Variants in CLUH observed in about 807,000 individuals in gnomAD.
The protein encoded by CLUH is CLUH binding protein of NUMT mRNA.
In CLUH, 77 loss-of-function variants were observed where a neutral mutation model predicts 139.3. That is an observed-to-expected ratio of 0.55 (90% CI 0.46 to 0.67). CLUH has a LOEUF of 0.67. Ranked by LOEUF, CLUH falls within the 30% of genes least tolerant of loss-of-function variation. The pLI, the probability that CLUH is intolerant of heterozygous loss-of-function variation, is 0.00. For synonymous variants in CLUH, 999 were observed against 801.6 expected (o/e 1.25, Z -4.16); for missense variants, 1,876 against 1,875.8 (o/e 1.00, Z 0.00).
At position 2,700,242 on chromosome 17, in the gene CLUH, G is replaced by A. The variant is rs543514149; in HGVS notation, c.1266+140C>T. 60 of 705,640 alleles carry A rather than the reference G, an allele frequency of 8.5e-5. No homozygotes were observed. In the East Asian group the frequency reaches 1.5e-3, roughly 18 times the overall value. 43.7% of individuals were successfully genotyped at this position (705,640 alleles called of 1,614,324 possible). A position where few individuals can be genotyped will look rare whatever the true frequency, so the allele number is the denominator to read the frequency against. ...AGGCGGAAGGCTAGCAGACCCTGCG[G>A]GAGACGCTGACTGGCCTTCGGGGAA... On this transcript the variant is annotated intron_variant, in intron 9 of 25. Coordinates refer to ENST00000651024, the MANE Select transcript of CLUH (RefSeq NM_001366661.1).
intron 4 of CLUH, 73 bp downstream of exon 4, chr17:2,701,841 G>A: frequency 6.3e-7 from 1 of 1,597,444 alleles, no homozygotes; most frequent in Non-Finnish European, 8.5e-7. Flanking sequence ...AGGCCCCTCG[G>A]CCCCTTCTCC....
At chr17:2,696,022 A>T in intron 13 of CLUH, 137 bp downstream of exon 13, 1 of 711,894 alleles carries the variant, frequency 1.4e-6, no homozygotes, top group East Asian at 2.7e-5. Flanking sequence ...CCCATCTGTC[A>T]AACGGGGATG....
In CLUH at chr17:2,697,910, G is replaced by C. The variant is rs1412278846; in HGVS notation, c.1947C>G (p.Ala649=). The C allele has an allele frequency of 2.0e-6, 3 of 1,514,134 alleles. No individual in the cohort carries two copies. The African/African-American group carries it at 4.1e-5, about 21-fold the overall frequency. 93.8% of individuals were successfully genotyped at this position (1,514,134 alleles called of 1,614,324 possible). The stretch of plus-strand genomic sequence containing the variant: ...CCGCCCCTCACCTGTGCTCCACGAA[G>C]GCGTCCACCAGCTCCTGGCGCAGGC... ...LCCLRQELVD[A]FVEHRYLLFM... The change falls in exon 10 of 26, where the codon GCC becomes GCG. Residue 649 remains alanine, a synonymous_variant. Coordinates refer to ENST00000651024, the MANE Select transcript of CLUH (RefSeq NM_001366661.1).
intron 11 of CLUH, 57 bp from the exon 12 acceptor site, chr17:2,696,595 C>T: frequency 6.5e-7 from 1 of 1,531,832 alleles, no homozygotes; most frequent in South Asian, 1.2e-5. Context: ...TGGAGCTGGG[C>T]TGCGCCAAGC....
chr17:2,700,692 G>T lies in CLUH; in HGVS notation c.1159C>A (p.His387Asn). ...AYTSRLGYEE[H>N]IPGQTRDWNE... ...GTTGCAGGCACCTGTCCAGGAATGT[G>T]CTCCTCATAGCCCAGCCTCGAGGTG... The change falls in exon 8 of 26, where the codon CAC becomes AAC. Residue 387 changes from histidine (H) to asparagine (N), a missense_variant. Physicochemically the swap from His to Asn is moderately conservative, Grantham distance 68 (BLOSUM62 1). Around this residue, in one of 3 missense-constraint regions of CLUH, gnomAD observed 1,454 missense variants for 1,384.4 expected, o/e 1.05. Coordinates refer to ENST00000651024, the MANE Select transcript of CLUH (RefSeq NM_001366661.1). 1.3e-6 allele frequency: 2 copies of T among 1,526,610 alleles called. No homozygotes were observed. The highest frequency in any genetic ancestry group is 2.3e-5 in the East Asian group (1 of 44,218). 94.6% of individuals were successfully genotyped at this position (1,526,610 alleles called of 1,614,324 possible).
chr17:2,711,704 G>T lies in CLUH; in HGVS notation c.-43C>A. 1.2e-6 allele frequency: 1 copy of T among 863,014 alleles called. No homozygotes were observed. The highest frequency in any genetic ancestry group is 1.4e-6 in the Non-Finnish European group (1 of 718,392). The allele number at this position is 863,014 out of a possible 1,614,324, so 53.5% of individuals were successfully genotyped here. On this transcript the variant is annotated 5_prime_UTR_variant, in exon 1 of 26. Coordinates refer to ENST00000651024, the MANE Select transcript of CLUH (RefSeq NM_001366661.1). ...TCCGCCTCGGCTGTCCGCGCCGCCCGCCGCGCCACTAACCCAAGTGCCCTG... is the reference window on the plus strand; with the variant it reads ...TCCGCCTCGGCTGTCCGCGCCGCCCTCCGCGCCACTAACCCAAGTGCCCTG...
rs911613841 is a variant in CLUH, at chr17:2,692,271, G to A, written c.3560+90C>T. ...TCGAGAGAAATTTTCTCGGGTGGAG[G>A]AAGACAGGAGCACTGGGTCTCTTCC... is the stretch of plus-strand genomic sequence containing the variant. On this transcript the variant is annotated intron_variant, in intron 22 of 25. Transcript: ENST00000651024. The A allele has an allele frequency of 9.9e-5, 145 of 1,460,826 alleles. 2 individuals carry two copies. In the South Asian group the frequency reaches 1.8e-3, roughly 18 times the overall value. The allele number at this position is 1,460,826 out of a possible 1,614,324, so 90.5% of individuals were successfully genotyped here.
chr17:2,708,660 C>A (rs1482674803), intron 1 of CLUH, among the ~76,000 whole-genome samples: 1 of 152,060 alleles, frequency 6.6e-6, no homozygotes, highest in African/African-American at 2.4e-5. Context: ...GACGCCCAAG[C>A]CCATGGCTTT....
intron 3 of CLUH, 54 bp from the exon 4 acceptor site, chr17:2,702,111 A>G (rs1325311411): frequency 6.9e-6 from 11 of 1,588,304 alleles, no homozygotes; most frequent in Non-Finnish European, 9.4e-6. Flanking sequence ...ACCCTGAACA[A>G]CCTGCCCAGC....
chr17:2,704,658 A>G lies in CLUH; in HGVS notation c.101-94T>C. 1 of 1,226,802 alleles carries G rather than the reference A, an allele frequency of 8.2e-7. No homozygotes were observed. The highest frequency in any genetic ancestry group is 1.5e-5 in the African/African-American group (1 of 66,094). The allele number at this position is 1,226,802 out of a possible 1,614,324, so 76.0% of individuals were successfully genotyped here. Reference sequence around the variant, plus strand: ...ACACGGGGACACGTGCCTTCTGGAAAGGCATCTGCATGCCCTCGAGAGTCC... The same window carrying G: ...ACACGGGGACACGTGCCTTCTGGAAGGGCATCTGCATGCCCTCGAGAGTCC... On this transcript the variant is annotated intron_variant, in intron 1 of 25. Transcript: ENST00000651024. The surrounding 1 kb of genome is among the most constrained non-coding windows in gnomAD (Gnocchi z 5.7).
In CLUH at chr17:2,701,345, G is replaced by A. The variant is rs1281817050; in HGVS notation, c.899+21C>T. On this transcript the variant is annotated intron_variant, in intron 6 of 25. Transcript: ENST00000651024. ...GACGGCTGGCACGGCAGGGGGGTGT[G>A]GTGGGCTGGCAGGGACTCACTGATT... is the stretch of plus-strand genomic sequence containing the variant. 1.9e-6 allele frequency: 3 copies of A among 1,605,422 alleles called. No individual in the cohort carries two copies. The East Asian group carries it at 6.7e-5, about 36-fold the overall frequency.
At chr17:2,699,876 C>G (rs9911389) in intron 9 of CLUH, among the ~76,000 whole-genome samples, 1 of 151,998 alleles carries the variant, frequency 6.6e-6, no homozygotes, top group Admixed American at 6.5e-5. Context: ...GTGATCCGCC[C>G]GCCTCGGCCT....
rs1307112800 is a variant in CLUH, at chr17:2,711,611, G to C, written c.51C>G (p.Ala17=). The C allele has an allele frequency of 1.0e-6, 1 of 983,996 alleles. No homozygotes were observed. Among genetic ancestry groups the C allele is most frequent in the Non-Finnish European group, 1.2e-6 (1 of 829,556 alleles). The allele number at this position is 983,996 out of a possible 1,614,324, so 61.0% of individuals were successfully genotyped here. A position where few individuals can be genotyped will look rare whatever the true frequency, so the allele number is the denominator to read the frequency against. Residue 17 remains alanine, a synonymous_variant, in exon 1 of 26, where the codon GCC becomes GCG. Transcript: ENST00000651024. ...ELPAAAPADS[A]REHGSQAGGK... is the part of the protein sequence containing the mutation. ...CCCCGGCCTGCGAGCCGTGTTCCCG[G>C]GCGCTGTCGGCCGGGGCGGCCGCCG...
Position 2,694,243 on chromosome 17 carries a change from G to A in CLUH, c.2971C>T (p.His991Tyr), listed in dbSNP as rs2069834884. The A allele has an allele frequency of 6.2e-7, 1 of 1,607,884 alleles. No homozygotes were observed. The highest frequency in any genetic ancestry group is 8.5e-7 in the Non-Finnish European group (1 of 1,176,604). The change falls in exon 18 of 26, where the codon CAC becomes TAC. Residue 991 changes from histidine to tyrosine, a missense_variant. This residue lies in a region of CLUH where 1,454 missense variants were observed against 1,384.4 expected (regional missense o/e 1.05). Transcript: ENST00000651024. ...TCCTCCTCGGTGAACGCGGGCTTGT[G>A]GCGACTGTCGAAGCTGTACTCCTTC... ...LLKEYSFDSR[H>Y]KPAFTEEDVL...
In CLUH at chr17:2,696,747, T is replaced by C; in HGVS notation, c.2157A>G (p.Ala719=). The change falls in exon 11 of 26, where the codon GCA becomes GCG. Residue 719 remains alanine (A), a synonymous_variant. Transcript: ENST00000651024. ...ASGLAKVKEL[A]ETIAADDGTA... ...TGCCGTCGTCTGCGGCGATGGTCTC[T>C]GCCAGCTCCTTCACCTTGGCCAGGC... The C allele has an allele frequency of 1.2e-6, 2 of 1,612,422 alleles. No individual in the cohort carries two copies. The highest frequency in any genetic ancestry group is 1.1e-5 in the South Asian group (1 of 91,026).
chr17:2,709,309 G>A (rs1183665044), intron 1 of CLUH, among the ~76,000 whole-genome samples: 1 of 152,184 alleles, frequency 6.6e-6, no homozygotes, highest in East Asian at 1.9e-4. Flanking sequence ...GGGCTTCAGG[G>A]AAAGGCAATG....
chr17:2,693,121 T>A (rs1361578822), intron 19 of CLUH, among the ~76,000 whole-genome samples: 1 of 38,142 alleles, frequency 2.6e-5, no homozygotes, highest in African/African-American at 1.1e-4. Context: ...AATACAAACC[T>A]AAAACTACTA....
Position 2,691,977 on chromosome 17 carries a change from CGCCCCCGCCA to C in CLUH, c.3654+17_3654+26del, listed in dbSNP as rs1567576043. Reference sequence around the variant, plus strand: ...CCCCGCCACGCCCCCGCCCCGCCCCCGCCCCCGCCACGCCCCCGCCGCGCACCTGCGTCTT... The same window carrying C: ...CCCCGCCACGCCCCCGCCCCGCCCCCCGCCCCCGCCGCGCACCTGCGTCTT... On this transcript the variant is annotated intron_variant, in intron 23 of 25. Coordinates refer to ENST00000651024, the MANE Select transcript of CLUH (RefSeq NM_001366661.1). 9 of 458,896 alleles carry C rather than the reference CGCCCCCGCCA, an allele frequency of 2.0e-5. 1 individual carries two copies. Among genetic ancestry groups the C allele is most frequent in the Admixed American group, 2.7e-4 (2 of 7,294 alleles). The allele number at this position is 458,896 out of a possible 1,614,324, so 28.4% of individuals were successfully genotyped here.
Position 2,703,415 on chromosome 17 carries a change from G to A in CLUH, c.378C>T (p.Cys126=). 6.2e-7 allele frequency: 1 copy of A among 1,613,688 alleles called. No individual in the cohort carries two copies. Among genetic ancestry groups the A allele is most frequent in the Non-Finnish European group, 8.5e-7 (1 of 1,179,828 alleles). The change falls in exon 3 of 26, where the codon TGC becomes TGT. Residue 126 remains cysteine (C), a synonymous_variant. Transcript: ENST00000651024. The surrounding 1 kb of genome is among the most constrained non-coding windows in gnomAD (Gnocchi z 4.2). ...CGTTGCCATCCAGGTGCAGTGAGAA[G>A]CAGGTGCGGTGACACGTGTCCTCCC... is the stretch of plus-strand genomic sequence containing the variant. The part of the protein sequence containing the change: ...MDREDTCHRT[C]FSLHLDGNVL...
Sources: allele counts gnomAD v4.1 joint callset (sites outside exome capture counted in the v4.1 genomes callset), GRCh38; gene constraint gnomAD v4.1.1; regional missense constraint gnomAD v4.1.1; non-coding constraint Gnocchi (gnomAD v3.1); transcripts MANE v1.5; gene names NCBI Gene and HGNC (gene_info 2026-07-23, HGNC 2026-07-21).